The following IFT80 variants were observed in gnomAD, a reference collection of about 807,000 sequenced individuals.
The protein encoded by IFT80 is intraflagellar transport 80.
Under a neutral mutation model 107.9 loss-of-function variants are expected in IFT80, and 79 were observed. The observed-to-expected ratio is 0.73, with a 90% CI of 0.61 to 0.88. The LOEUF (loss-of-function observed/expected upper bound fraction) is 0.88, where lower values mean the gene tolerates loss of function less well. IFT80 is among the 40% of genes least tolerant of loss of function. The pLI is 0.00. For missense variants in IFT80, 797 were observed against 914.2 expected (o/e 0.87, Z 1.65); for synonymous variants, 299 against 300.9 (o/e 0.99, Z 0.07).
At chr3:160,332,867 T>A (rs1299250883) in intron 8 of IFT80, among the ~76,000 whole-genome samples, 2 of 152,210 alleles carry the variant, frequency 1.3e-5, no homozygotes, top group Non-Finnish European at 2.9e-5. Context: ...GGGGTATATA[T>A]ATCAAAGGCA....
At chr3:160,342,238 T>C (rs938937010) in intron 8 of IFT80, among the ~76,000 whole-genome samples, 1 of 152,192 alleles carries the variant, frequency 6.6e-6, no homozygotes, top group African/African-American at 2.4e-5. Flanking sequence ...GAAGAGGCCT[T>C]TGACTTTGTA....
intron 1 of IFT80, among the ~76,000 whole-genome samples, chr3:160,398,678 G>C (rs943297473): frequency 6.6e-6 from 1 of 152,050 alleles, no homozygotes; most frequent in Non-Finnish European, 1.5e-5. Flanking sequence ...CTAAGTTCTC[G>C]GGGAACAGGA....
chr3:160,292,299 G>C (rs901685341), intron 12 of IFT80, among the ~76,000 whole-genome samples: 1 of 152,094 alleles, frequency 6.6e-6, no homozygotes. Context: ...GTCCAACAAT[G>C]GGCAGAGAGA....
intron 2 of IFT80, among the ~76,000 whole-genome samples, chr3:160,382,088 A>T (rs1178429118): frequency 2.0e-5 from 3 of 152,154 alleles, no homozygotes; most frequent in Non-Finnish European, 4.4e-5. Flanking sequence ...CTGTTGGGGG[A>T]TAGGTAGGGA....
intron 1 of IFT80, among the ~76,000 whole-genome samples, chr3:160,390,054 G>A (rs1472454454): frequency 6.6e-6 from 1 of 152,144 alleles, no homozygotes; most frequent in Non-Finnish European, 1.5e-5. Context: ...ATACAGTAAC[G>A]AGAGATAAAA....
chr3:160,275,920 T>G (rs1031427270), intron 18 of IFT80, among the ~76,000 whole-genome samples: 9 of 152,192 alleles, frequency 5.9e-5, no homozygotes, highest in African/African-American at 2.2e-4. Context: ...ATTTATTTAT[T>G]TAGATGGAGT....
intron 1 of IFT80, among the ~76,000 whole-genome samples, chr3:160,396,052 T>C (rs1371169154): frequency 6.6e-6 from 1 of 152,068 alleles, no homozygotes; most frequent in Admixed American, 6.6e-5. Context: ...TTTTATTTTC[T>C]CTCTTAAGCC....
chr3:160,340,168 T>C (rs1043116283), intron 8 of IFT80, among the ~76,000 whole-genome samples: 2 of 152,204 alleles, frequency 1.3e-5, no homozygotes, highest in African/African-American at 2.4e-5. Context: ...AAGAAATAAT[T>C]TCTTAAATCA....
chr3:160,326,709 T>C (rs1718700567), intron 8 of IFT80, among the ~76,000 whole-genome samples: 1 of 151,986 alleles, frequency 6.6e-6, no homozygotes, highest in South Asian at 2.1e-4. Context: ...TTACAGCCAG[T>C]ATCACACTGA....
intron 19 of IFT80, among the ~76,000 whole-genome samples, chr3:160,261,336 G>A (rs1485560112): frequency 1.3e-5 from 2 of 151,416 alleles, no homozygotes; most frequent in Non-Finnish European, 2.9e-5. Flanking sequence ...TATATATCAA[G>A]GATTGTCTGA....
chr3:160,362,507 T>C (rs992102334), intron 6 of IFT80, among the ~76,000 whole-genome samples: 5 of 152,188 alleles, frequency 3.3e-5, no homozygotes, highest in African/African-American at 1.2e-4. Context: ...GAATCCTTCC[T>C]AACTCATTTT....
chr3:160,360,894 C>T (rs1433601956), intron 6 of IFT80, among the ~76,000 whole-genome samples: 1 of 152,160 alleles, frequency 6.6e-6, no homozygotes, highest in African/African-American at 2.4e-5. Flanking sequence ...GTACCAGCCA[C>T]TGCAAAAACA....
intron 6 of IFT80, among the ~76,000 whole-genome samples, chr3:160,361,263 T>A (rs143453755): frequency 2.6e-5 from 4 of 151,716 alleles, no homozygotes; most frequent in African/African-American, 7.3e-5. Context: ...CCAACAAAGA[T>A]CAAAAGGGAC....
intron 12 of IFT80, among the ~76,000 whole-genome samples, chr3:160,287,471 T>G (rs190014353): frequency 6.6e-5 from 10 of 151,812 alleles, no homozygotes; most frequent in Admixed American, 3.3e-4. Context: ...CCAGTGGAGG[T>G]GAAAATGGAA....
At chr3:160,312,728 A>G (rs867474022) in intron 9 of IFT80, among the ~76,000 whole-genome samples, 10 of 44,754 alleles carry the variant, frequency 2.2e-4, no homozygotes, top group South Asian at 1.1e-3. Context: ...TATAATAAAT[A>G]TATATTATAT....
chr3:160,286,129 A>G (rs1356231391), intron 12 of IFT80, among the ~76,000 whole-genome samples: 1 of 152,222 alleles, frequency 6.6e-6, no homozygotes, highest in African/African-American at 2.4e-5. Context: ...TCACAATGGG[A>G]AGTCCAAATG....
At chr3:160,381,252 ATATATATATATATT>A (rs1712478561) in intron 3 of IFT80, among the ~76,000 whole-genome samples, 1 of 136,530 alleles carries the variant, frequency 7.3e-6, no homozygotes, top group Non-Finnish European at 1.6e-5. Flanking sequence ...ATATATATAT[ATATATATATATATT>A]AAAGCCAAAG....
intron 14 of IFT80, among the ~76,000 whole-genome samples, chr3:160,281,274 G>A (rs978055058): frequency 5.3e-5 from 8 of 152,098 alleles, no homozygotes; most frequent in Non-Finnish European, 8.8e-5. Flanking sequence ...CCAACCCACG[G>A]AGCCACCCTG....
intron 14 of IFT80, among the ~76,000 whole-genome samples, chr3:160,282,260 A>G (rs1430639361): frequency 1.3e-5 from 2 of 152,198 alleles, no homozygotes; most frequent in African/African-American, 4.8e-5. Context: ...AGCATGGGTG[A>G]CAGAGTGAGA....
Sources: gnomAD v4.1 joint callset for allele counts (sites outside exome capture counted in the v4.1 genomes callset) on GRCh38, gnomAD v4.1.1 for gene constraint, MANE v1.5 for transcripts, NCBI Gene and HGNC (gene_info 2026-07-23, HGNC 2026-07-21) for gene names.